Variants in PKD1L3 observed in about 807,000 individuals in gnomAD.
PKD1L3 encodes polycystin 1 like 3, transient receptor potential channel interacting, also known as polycystin-1-like protein 3.
A neutral mutation model predicts 184.1 loss-of-function variants in PKD1L3; 239 were observed. That is an observed-to-expected ratio of 1.30 (90% CI 1.17 to 1.45). The LOEUF (loss-of-function observed/expected upper bound fraction) is 1.45. PKD1L3 is among the 40% of genes most tolerant of loss of function. The pLI is 0.00. For synonymous variants in PKD1L3, 996 were observed against 778.8 expected (o/e 1.28, Z -4.64); for missense variants, 2,660 against 2,067.2 (o/e 1.29, Z -5.56).
intron 28 of PKD1L3, among the ~76,000 whole-genome samples, chr16:71,932,889 C>T (rs191045049): frequency 6.1e-5 from 9 of 148,250 alleles, no homozygotes; most frequent in African/African-American, 2.0e-4. Context: ...ACAGGATTCT[C>T]TCTCCTCAGC....
chr16:71,949,792 C>CT lies in PKD1L3; in HGVS notation c.3608dup (p.Pro1204AlafsTer22). The CT allele has an allele frequency of 6.5e-7, 1 of 1,550,212 alleles. No individual in the cohort carries two copies. Among genetic ancestry groups the CT allele is most frequent in the Non-Finnish European group, 8.7e-7 (1 of 1,146,594 alleles). ...CCCATCCCTCACATACCTTTACTGG[C>CT]TGGCTGATGAAGATGTTCTGAAGCA... On this transcript the variant is annotated frameshift_variant, in exon 21 of 30. Transcript: ENST00000620267. LOFTEE classifies it high-confidence loss of function.
At chr16:71,949,663 A>C in intron 21 of PKD1L3, 120 bp downstream of exon 21, 1 of 946,202 alleles carries the variant, frequency 1.1e-6, no homozygotes, top group Middle Eastern at 3.3e-4. Context: ...TGGTTTGCCT[A>C]TTTGTTTTTT....
chr16:71,959,084 CAAAAAA>C (rs34063785), intron 16 of PKD1L3, among the ~76,000 whole-genome samples: 1 of 77,034 alleles, frequency 1.3e-5, no homozygotes, highest in African/African-American at 5.7e-5. Context: ...ACTCCCGTCT[CAAAAAA>C]AAAAAAAAAA....
Position 71,933,971 on chromosome 16 carries a change from C to T in PKD1L3, c.4768G>A (p.Glu1590Lys), listed in dbSNP as rs567546445. ...ISRTLSRAWD[E>K]VVGFLLIILI... ...ATGATCAGCAGAAAGCCCACCACCT[C>T]GTCCCAGGCTCGGCTCAGTGTCCTG... is the stretch of plus-strand genomic sequence containing the variant. Residue 1590 changes from glutamate (E) to lysine (K), a missense_variant, in exon 27 of 30, where the codon GAG (glutamate) becomes AAG (lysine). Physicochemically the swap from Glu to Lys is moderately conservative, Grantham distance 56 (BLOSUM62 1). Coordinates refer to ENST00000620267, the MANE Select transcript of PKD1L3 (RefSeq NM_181536.2). The T allele has an allele frequency of 9.2e-5, 142 of 1,551,592 alleles. 1 individual carries two copies. Among genetic ancestry groups the T allele is most frequent in the South Asian group, 6.4e-4 (54 of 84,058 alleles).
Position 71,967,229 on chromosome 16 carries a change from G to GC in PKD1L3, c.2372dup (p.Leu792ProfsTer23), listed in dbSNP as rs1211870382. On this transcript the variant is annotated frameshift_variant, in exon 15 of 30. Transcript: ENST00000620267. LOFTEE classifies it high-confidence loss of function. ...AAGTGGTGAGAAGGAAGACATCCAGGCCCCCTCGTTCAAAGACTGTCTTCT... is the reference window on the plus strand; with the variant it reads ...AAGTGGTGAGAAGGAAGACATCCAGGCCCCCCTCGTTCAAAGACTGTCTTCT... The GC allele has an allele frequency of 6.4e-7, 1 of 1,551,650 alleles. No individual in the cohort carries two copies. The highest frequency in any genetic ancestry group is 2.4e-5 in the East Asian group (1 of 40,920).
At chr16:71,929,960 A>G (rs1281095203) in intron 29 of PKD1L3, 92 bp downstream of exon 29, 12 of 1,379,094 alleles carry the variant, frequency 8.7e-6, no homozygotes, top group Non-Finnish European at 1.2e-5. Flanking sequence ...ACTGTGCATT[A>G]TAAATTATGT....
At chr16:71,944,680 G>C (rs946099026) in intron 22 of PKD1L3, among the ~76,000 whole-genome samples, 2 of 150,772 alleles carry the variant, frequency 1.3e-5, no homozygotes, top group African/African-American at 4.9e-5. Flanking sequence ...GGGCAACATA[G>C]CAAGACCATA....
At chr16:71,930,280 A>ATTTC in intron 28 of PKD1L3, 97 bp from the exon 29 acceptor site, 1 of 1,281,394 alleles carries the variant, frequency 7.8e-7, no homozygotes, top group Non-Finnish European at 1.0e-6. Context: ...TATCAGAAGA[A>ATTTC]AAGCTTATCC....
intron 24 of PKD1L3, among the ~76,000 whole-genome samples, 188 bp from the exon 25 acceptor site, chr16:71,937,607 G>C (rs1419607638): frequency 3.9e-5 from 6 of 152,118 alleles, no homozygotes; most frequent in Non-Finnish European, 4.4e-5. Context: ...AAAGCTATTG[G>C]AGAAATACTG....
At position 71,934,122 on chromosome 16, in the gene PKD1L3, G is replaced by C. The variant is rs1326407389; in HGVS notation, c.4617C>G (p.Phe1539Leu). The C allele has an allele frequency of 1.3e-6, 2 of 1,551,774 alleles. No homozygotes were observed. The highest frequency in any genetic ancestry group is 1.7e-6 in the Non-Finnish European group (2 of 1,147,012). Residue 1539 changes from phenylalanine (F) to leucine (L), a missense_variant, in exon 27 of 30, where the codon TTC (phenylalanine) becomes TTG (leucine). Transcript: ENST00000620267. ...MARYRDDQDR[F>L]ISFYEAVKVN... ...CTTTTACTGCCTCATAGAAGCTGAT[G>C]AATCTGCACCAAGGAAAGCTGACAG...
intron 16 of PKD1L3, among the ~76,000 whole-genome samples, chr16:71,958,544 C>A (rs1040896387): frequency 6.6e-6 from 1 of 151,826 alleles, no homozygotes. Flanking sequence ...TTTTGGGAGG[C>A]CGAGGTGAGT....
rs2039347712 is a variant in PKD1L3 at position 71,963,188 on chromosome 16, T to G, written c.2612+17A>C. 1 of 1,536,042 alleles carries G rather than the reference T, an allele frequency of 6.5e-7. No homozygotes were observed. The highest frequency in any genetic ancestry group is 2.1e-5 in the Admixed American group (1 of 48,238). On this transcript the variant is annotated intron_variant, in intron 16 of 29. Transcript: ENST00000620267. ...GAACATCAATATTCACTGTTAATAGTAATTTTCCAACAGTACCTAAAGGAA... is the reference window on the plus strand; with the variant it reads ...GAACATCAATATTCACTGTTAATAGGAATTTTCCAACAGTACCTAAAGGAA...
intron 25 of PKD1L3, among the ~76,000 whole-genome samples, 164 bp from the exon 26 acceptor site, chr16:71,935,682 TA>T (rs2143146140): frequency 6.6e-6 from 1 of 152,360 alleles, no homozygotes; most frequent in African/African-American, 2.4e-5. Context: ...TTCAGGTCTG[TA>T]GTCTTCAGAA....
At chr16:71,994,719 C>T (rs965116334) in intron 2 of PKD1L3, among the ~76,000 whole-genome samples, 3 of 152,088 alleles carry the variant, frequency 2.0e-5, no homozygotes, top group Non-Finnish European at 4.4e-5. Context: ...TGTTAACAGG[C>T]TGGGTGTGGT....
chr16:71,992,831 G>A lies in PKD1L3; in HGVS notation c.535+385C>T, dbSNP rs776425069. On this transcript the variant is annotated intron_variant, in intron 3 of 29. Transcript: ENST00000620267. ...TGATCTCTATAACCACCCATCCACCGATATTGATTGCCGTCATTTCAGGCT... is the reference window on the plus strand; with the variant it reads ...TGATCTCTATAACCACCCATCCACCAATATTGATTGCCGTCATTTCAGGCT... Among the ~76,000 whole-genome samples the A allele has an allele frequency of 3.3e-5, 5 of 152,062 alleles. No individual in the cohort carries two copies. The South Asian group carries it at 8.3e-4, about 25-fold the overall frequency.
intron 9 of PKD1L3, among the ~76,000 whole-genome samples, 198 bp from the exon 10 acceptor site, chr16:71,978,581 T>C (rs1233023318): frequency 2.1e-5 from 3 of 143,822 alleles, no homozygotes; most frequent in African/African-American, 7.8e-5. Flanking sequence ...ACTCTGTCAA[T>C]CAGGATGGAG....
At position 71,973,517 on chromosome 16, in the gene PKD1L3, T is replaced by A. The variant is rs193013437; in HGVS notation, c.1760A>T (p.Asp587Val). ...ATTCAGCACCCACGTGTACTCCTCA[T>A]CTTAGAACAAAGAAGAGTGCTTACT... ...TLPKDKVWQK[D>V]EEYTWVLNPE... Residue 587 changes from aspartate (D) to valine (V), a missense_variant and splice_region_variant, in exon 12 of 30, where the codon GAT becomes GTT. Physicochemically the swap from Asp to Val is radical, Grantham distance 152 (BLOSUM62 -3). Coordinates refer to ENST00000620267, the MANE Select transcript of PKD1L3 (RefSeq NM_181536.2). 1.9e-6 allele frequency: 3 copies of A among 1,550,864 alleles called. No individual in the cohort carries two copies. The highest frequency in any genetic ancestry group is 2.7e-5 in the African/African-American group (2 of 73,146).
rs1263219371 is a variant in PKD1L3, at chr16:71,929,648, G to A, written c.5089C>T (p.Gln1697Ter). The A allele has an allele frequency of 3.9e-6, 6 of 1,551,542 alleles. No individual in the cohort carries two copies. Among genetic ancestry groups the A allele is most frequent in the Admixed American group, 2.0e-5 (1 of 50,968 alleles). ...KEAALIDTLL[Q>*]KLSNLLGISW... The stretch of plus-strand genomic sequence containing the variant: ...ATTCCTAACAAATTTGAGAGCTTCT[G>A]TAGCAGTGTATCTATTAGTGCAGCT... The change falls in exon 30 of 30, where the codon CAG becomes TAG. Residue 1697 changes from glutamine (Q) to a stop codon, truncating the protein, a stop_gained. Coordinates refer to ENST00000620267, the MANE Select transcript of PKD1L3 (RefSeq NM_181536.2). LOFTEE classifies it low-confidence loss of function (END_TRUNC).
Position 71,999,923 on chromosome 16 carries a change from A to G in PKD1L3, c.56T>C (p.Leu19Pro). ...TGCTGGGCTGTTTAGCTCACTTCCT[A>G]GAATAATACTTGTTCTGATGTATAA... ...LWLYIRTSII[L>P]GSELNSPAPH... The change falls in exon 1 of 30, where the codon CTA becomes CCA. Residue 19 changes from leucine to proline, a missense_variant. Transcript: ENST00000620267. The G allele has an allele frequency of 1.3e-6, 2 of 1,550,514 alleles. No individual in the cohort carries two copies. Among genetic ancestry groups the G allele is most frequent in the South Asian group, 1.2e-5 (1 of 83,950 alleles).
Sources: allele counts gnomAD v4.1 joint callset (sites outside exome capture counted in the v4.1 genomes callset), GRCh38; gene constraint gnomAD v4.1.1; transcripts MANE v1.5; gene names NCBI Gene and HGNC (gene_info 2026-07-23, HGNC 2026-07-21).